Variants in SLC30A7 observed in about 807,000 individuals in gnomAD.
The protein encoded by SLC30A7 is zinc transporter 7.
Under a neutral mutation model 46.0 loss-of-function variants are expected in SLC30A7, and 35 were observed. The ratio of observed to expected loss-of-function variants is 0.76; its 90% CI spans 0.58 to 1.01. The LOEUF is 1.01. Ranked by LOEUF, SLC30A7 falls within the 50% of genes least tolerant of loss-of-function variation. The pLI, the probability that SLC30A7 is intolerant of heterozygous loss-of-function variation, is 0.00. For missense variants in SLC30A7, 464 were observed against 451.1 expected (o/e 1.03, Z -0.26); for synonymous variants, 147 against 157.8 (o/e 0.93, Z 0.51).
At chr1:100,918,496 A>G (rs1214311198) in intron 7 of SLC30A7, among the ~76,000 whole-genome samples, 1 of 152,128 alleles carries the variant, frequency 6.6e-6, no homozygotes, top group Non-Finnish European at 1.5e-5. Context: ...GCTTGAATAT[A>G]AGTAATACCC....
At chr1:100,965,725 G>A (rs1655820770) in intron 9 of SLC30A7, 44 bp from the exon 10 acceptor site, 4 of 1,542,722 alleles carry the variant, frequency 2.6e-6, no homozygotes, top group Non-Finnish European at 3.6e-6. Flanking sequence ...AAAAGGGAGT[G>A]CTTAACTTGA....
chr1:100,983,344 C>A (rs1657060159), downstream of SLC30A7, among the ~76,000 whole-genome samples: 1 of 124,708 alleles, frequency 8.0e-6, no homozygotes, highest in African/African-American at 3.0e-5. Context: ...TTCATTAAAA[C>A]ATTATCAGCT....
chr1:100,942,295 T>G (rs1557996291), intron 8 of SLC30A7, among the ~76,000 whole-genome samples: 1 of 152,208 alleles, frequency 6.6e-6, no homozygotes, highest in African/African-American at 2.4e-5. Context: ...ATACCTTTAA[T>G]TAAGCAATCA....
chr1:100,995,255 C>A, the SLC30A7 span: 1 of 640,482 alleles, frequency 1.6e-6, no homozygotes, highest in Non-Finnish European at 2.7e-6. Flanking sequence ...AAACACTCTT[C>A]CCTCACATTT....
chr1:100,916,370 A>G (rs998322488), intron 6 of SLC30A7, among the ~76,000 whole-genome samples: 1 of 151,962 alleles, frequency 6.6e-6, no homozygotes, highest in African/African-American at 2.4e-5. Flanking sequence ...TATTTTTAGT[A>G]GAGACGAGGT....
intron 3 of SLC30A7, among the ~76,000 whole-genome samples, chr1:100,908,022 T>A (rs951427620): frequency 5.3e-5 from 8 of 152,090 alleles, no homozygotes; most frequent in Non-Finnish European, 1.0e-4. Context: ...TCCTCTTCTC[T>A]TAACTTCTTT....
intron 8 of SLC30A7, among the ~76,000 whole-genome samples, chr1:100,946,049 T>G (rs944745777): frequency 6.6e-6 from 1 of 152,220 alleles, no homozygotes; most frequent in Non-Finnish European, 1.5e-5. Flanking sequence ...TTGAAGCAAT[T>G]GTGAATGGAA....
intron 8 of SLC30A7, among the ~76,000 whole-genome samples, chr1:100,927,287 G>T (rs1412429072): frequency 6.6e-6 from 1 of 152,154 alleles, no homozygotes; most frequent in Admixed American, 6.5e-5. Context: ...CAGGAGGCAG[G>T]TGCAACCAAG....
At chr1:100,949,120 T>G (rs779391709) in intron 8 of SLC30A7, among the ~76,000 whole-genome samples, 8 of 152,216 alleles carry the variant, frequency 5.3e-5, no homozygotes, top group Non-Finnish European at 8.8e-5. Flanking sequence ...TTTTTAGAAT[T>G]TTCAGCTTTT....
Position 100,978,733 on chromosome 1 carries a change from C to T in SLC30A7, c.*3876C>T, listed in dbSNP as rs1656720665. On this transcript the variant is annotated 3_prime_UTR_variant, in exon 11 of 11. Transcript: ENST00000357650. ...GACCTCCTTTTTTGGTACATTAAGG[C>T]ACTTTATAAATGGACTTTTATTGTC... The T allele has an allele frequency of 6.6e-6, 1 of 152,142 alleles. No individual in the cohort carries two copies. The highest frequency in any genetic ancestry group is 2.4e-5 in the African/African-American group (1 of 41,440). The allele number at this position is 152,142 out of a possible 1,614,324, so 9.4% of individuals were successfully genotyped here. A position where few individuals can be genotyped will look rare whatever the true frequency, so the allele number is the denominator to read the frequency against.
At chr1:100,954,860 T>G (rs932782830) in intron 8 of SLC30A7, among the ~76,000 whole-genome samples, 4 of 152,096 alleles carry the variant, frequency 2.6e-5, no homozygotes, top group African/African-American at 9.6e-5. Context: ...GTTACCATTA[T>G]GGGCCAGTTT....
At chr1:100,904,924 A>G (rs369118163) in intron 2 of SLC30A7, among the ~76,000 whole-genome samples, 9 of 151,570 alleles carry the variant, frequency 5.9e-5, no homozygotes, top group African/African-American at 1.7e-4. Context: ...GCCAAACTCT[A>G]CTGTGTGTAT....
At chr1:100,949,804 T>TGG (rs1393867705) in intron 8 of SLC30A7, among the ~76,000 whole-genome samples, 1 of 152,246 alleles carries the variant, frequency 6.6e-6, no homozygotes, top group Non-Finnish European at 1.5e-5. Context: ...TCTGTGGGTA[T>TGG]GGGACCCACT....
chr1:100,991,315 A>G, the SLC30A7 span, among the ~76,000 whole-genome samples: 2 of 152,330 alleles, frequency 1.3e-5, no homozygotes, highest in East Asian at 3.9e-4. Flanking sequence ...TGTATTGTTT[A>G]GTTGGGAAAG....
Position 100,981,094 on chromosome 1 carries a change from C to T in SLC30A7, c.*6237C>T, listed in dbSNP as rs907215870. On this transcript the variant is annotated 3_prime_UTR_variant, in exon 11 of 11. Coordinates refer to ENST00000357650, the MANE Select transcript of SLC30A7 (RefSeq NM_133496.5). ...TTTCATCTGTTTTCATTGTTATTTC[C>T]ACTATAGAACTTCTACTTTATACTA... The T allele has an allele frequency of 6.6e-6, 1 of 151,940 alleles. No individual in the cohort carries two copies. Among genetic ancestry groups the T allele is most frequent in the African/African-American group, 2.4e-5 (1 of 41,394 alleles). 9.4% of individuals were successfully genotyped at this position (151,940 alleles called of 1,614,324 possible).
At chr1:100,956,313 T>C (rs1655217871) in intron 8 of SLC30A7, among the ~76,000 whole-genome samples, 1 of 152,158 alleles carries the variant, frequency 6.6e-6, no homozygotes, top group Non-Finnish European at 1.5e-5. Flanking sequence ...TTACTAATTC[T>C]AGAGTCCTCA....
At chr1:100,965,114 T>G (rs189279110) in intron 9 of SLC30A7, among the ~76,000 whole-genome samples, 1 of 152,380 alleles carries the variant, frequency 6.6e-6, no homozygotes, top group East Asian at 1.9e-4. Flanking sequence ...GCCTTCTGTC[T>G]GTTGCAAAAT....
At chr1:100,947,557 T>C (rs964147633) in intron 8 of SLC30A7, among the ~76,000 whole-genome samples, 2 of 152,232 alleles carry the variant, frequency 1.3e-5, no homozygotes, top group Non-Finnish European at 1.5e-5. Context: ...GTTCTGTAGA[T>C]GTCTGTTAAT....
intron 6 of SLC30A7, among the ~76,000 whole-genome samples, chr1:100,915,188 C>CTTT (rs777129299): frequency 0.039 from 4,829 of 122,264 alleles, 128 homozygotes; most frequent in Middle Eastern, 0.056. Flanking sequence ...CTTTTCTTTT[C>CTTT]TTTCTTTTCT....
Sources: gnomAD v4.1 joint callset for allele counts (sites outside exome capture counted in the v4.1 genomes callset) on GRCh38, gnomAD v4.1.1 for gene constraint, MANE v1.5 for transcripts, NCBI Gene and HGNC (gene_info 2026-07-23, HGNC 2026-07-21) for gene names.